NDUFB7: variants seen among roughly 807,000 people sequenced by gnomAD.
NDUFB7 encodes the protein NADH dehydrogenase [ubiquinone] 1 beta subcomplex subunit 7.
NDUFB7 carries 18 observed loss-of-function variants against 14.7 expected under a neutral mutation model. The observed-to-expected ratio is 1.22, with a 90% CI of 0.85 to 1.81. NDUFB7 has a LOEUF of 1.81. NDUFB7 is among the 40% of genes most tolerant of loss of function. NDUFB7 has a pLI of 0.00. For synonymous variants in NDUFB7, 86 were observed against 76.1 expected (o/e 1.13, Z -0.68); for missense variants, 219 against 195.0 (o/e 1.12, Z -0.73).
chr19:14,566,716 A>G (rs1599513071), intron 2 of NDUFB7, 49 bp downstream of exon 2: 5 of 1,164,518 alleles, frequency 4.3e-6, no homozygotes, highest in Non-Finnish European at 5.5e-6. Context: ...GGCTGGGGGT[A>G]TGGGGTGTTG....
At position 14,567,045 on chromosome 19, in the gene NDUFB7, C is replaced by A; in HGVS notation, c.113-112G>T. On this transcript the variant is annotated intron_variant, in intron 1 of 2. Coordinates refer to ENST00000215565, the MANE Select transcript of NDUFB7 (RefSeq NM_004146.6). The surrounding 1 kb of genome is among the most constrained non-coding windows in gnomAD (Gnocchi z 5.1). ...AGGAAGGCACGGCTTGGGGTGTCCC[C>A]CATTCACATCCAGATGGCAGTGGAT... 9.3e-7 allele frequency: 1 copy of A among 1,070,366 alleles called. No individual in the cohort carries two copies. The highest frequency in any genetic ancestry group is 1.3e-6 in the Non-Finnish European group (1 of 753,200). 66.3% of individuals were successfully genotyped at this position (1,070,366 alleles called of 1,614,324 possible). A position where few individuals can be genotyped will look rare whatever the true frequency, so the allele number is the denominator to read the frequency against.
chr19:14,570,803 C>G (rs1461251028), intron 1 of NDUFB7, among the ~76,000 whole-genome samples: 1 of 152,158 alleles, frequency 6.6e-6, no homozygotes, highest in East Asian at 1.9e-4. Flanking sequence ...GGGACGTGGC[C>G]CAGAGCTGGT....
chr19:14,567,067 G>T lies in NDUFB7; in HGVS notation c.113-134C>A. The T allele has an allele frequency of 1.1e-6, 1 of 874,814 alleles. No homozygotes were observed. The highest frequency in any genetic ancestry group is 1.7e-6 in the Non-Finnish European group (1 of 581,218). The allele number at this position is 874,814 out of a possible 1,614,324, so 54.2% of individuals were successfully genotyped here. On this transcript the variant is annotated intron_variant, in intron 1 of 2. Transcript: ENST00000215565. The surrounding 1 kb of genome is among the most constrained non-coding windows in gnomAD (Gnocchi z 5.1). ...CCCCCATTCACATCCAGATGGCAGT[G>T]GATGGCAGATGCCTTTGACGGATGC...
chr19:14,566,655 G>A (rs2074089065), intron 2 of NDUFB7, 110 bp downstream of exon 2: 1 of 971,788 alleles, frequency 1.0e-6, no homozygotes, highest in Non-Finnish European at 1.5e-6. Flanking sequence ...TGGGAGGGGG[G>A]CTTGGGCGGG....
At position 14,567,593 on chromosome 19, in the gene NDUFB7, T is replaced by C. The variant is rs2074100115; in HGVS notation, c.113-660A>G. Among the ~76,000 whole-genome samples the C allele has an allele frequency of 6.6e-6, 1 of 152,002 alleles. No homozygotes were observed. The highest frequency in any genetic ancestry group is 2.4e-5 in the African/African-American group (1 of 41,370). On this transcript the variant is annotated intron_variant, in intron 1 of 2. Transcript: ENST00000215565. This position sits in a 1 kb window ranked among gnomAD's most constrained non-coding sequence, Gnocchi z 5.1. The stretch of plus-strand genomic sequence containing the variant: ...AAATCAACCTTCAGGAGGGGGCCGA[T>C]GGGAGCATGAGGAATCCTGGACACT...
intron 1 of NDUFB7, among the ~76,000 whole-genome samples, chr19:14,569,612 T>C (rs1174198114): frequency 6.6e-6 from 1 of 152,162 alleles, no homozygotes; most frequent in East Asian, 1.9e-4. Context: ...AAGCAAGGTA[T>C]GTGAGGCAGT....
Position 14,566,695 on chromosome 19 carries a change from G to C in NDUFB7, c.281+70C>G, listed in dbSNP as rs1387512276. 3 of 1,413,290 alleles carry C rather than the reference G, an allele frequency of 2.1e-6. No individual in the cohort carries two copies. The African/African-American group carries it at 4.3e-5, about 20-fold the overall frequency. The allele number at this position is 1,413,290 out of a possible 1,614,324, so 87.5% of individuals were successfully genotyped here. On this transcript the variant is annotated intron_variant, in intron 2 of 2. Coordinates refer to ENST00000215565, the MANE Select transcript of NDUFB7 (RefSeq NM_004146.6). ...GCATGTGGGGGGCTTGGGTGGGCCA[G>C]GGGTGTGGAAGGCTGGGGGTATGGG... is the stretch of plus-strand genomic sequence containing the variant.
chr19:14,571,229 C>T (rs2074123309), intron 1 of NDUFB7, among the ~76,000 whole-genome samples: 1 of 152,182 alleles, frequency 6.6e-6, no homozygotes, highest in Non-Finnish European at 1.5e-5. Context: ...GCATACCCCA[C>T]AATTGCAGTG....
Position 14,570,396 on chromosome 19 carries a change from T to C in NDUFB7, c.112+1493A>G, listed in dbSNP as rs1232870308. Among the ~76,000 whole-genome samples the C allele has an allele frequency of 2.6e-5, 4 of 151,906 alleles. No individual in the cohort carries two copies. The East Asian group carries it at 7.7e-4, about 29-fold the overall frequency. On this transcript the variant is annotated intron_variant, in intron 1 of 2. Transcript: ENST00000215565. ...TTTGTATTTTTAGTAGAGACAGGGT[T>C]TCACCACATTGGCCAGGATGGTCTC...
intron 1 of NDUFB7, among the ~76,000 whole-genome samples, chr19:14,571,632 C>T (rs2074125529): frequency 6.6e-6 from 1 of 151,780 alleles, no homozygotes; most frequent in African/African-American, 2.4e-5. Flanking sequence ...CCCAGCTCTG[C>T]GCGTCGCATT....
rs746010669 is a variant in NDUFB7 at position 14,566,179 on chromosome 19, G to A, written c.368C>T (p.Ala123Val). ...CACTTCCCCGGGTCCCTGGCCTTTGGCCAACTCTGCCGCCTTCTTCTCCCG... is the reference window on the plus strand; with the variant it reads ...CACTTCCCCGGGTCCCTGGCCTTTGACCAACTCTGCCGCCTTCTTCTCCCG... ...KRREKKAAEL[A>V]KGQGPGEVDP... Residue 123 changes from alanine to valine, a missense_variant, in exon 3 of 3, where the codon GCC becomes GTC. Coordinates refer to ENST00000215565, the MANE Select transcript of NDUFB7 (RefSeq NM_004146.6). 2 of 1,613,552 alleles carry A rather than the reference G, an allele frequency of 1.2e-6. No homozygotes were observed. The highest frequency in any genetic ancestry group is 1.7e-6 in the Non-Finnish European group (2 of 1,179,838).
chr19:14,566,406 C>A (rs1335559006), intron 2 of NDUFB7, 141 bp from the exon 3 acceptor site: 1 of 1,398,694 alleles, frequency 7.1e-7, no homozygotes, highest in Non-Finnish European at 9.7e-7. Flanking sequence ...TGGCTTGGGT[C>A]TGGGGTCTGC....
intron 1 of NDUFB7, among the ~76,000 whole-genome samples, chr19:14,570,430 G>C (rs2074118165): frequency 6.6e-6 from 1 of 151,748 alleles, no homozygotes; most frequent in South Asian, 2.1e-4. Context: ...TCAATCCCCT[G>C]ACCTCGTGAT....
chr19:14,571,969 C>T lies in NDUFB7; in HGVS notation c.32G>A (p.Gly11Asp). Residue 11 changes from glycine (G) to aspartate (D), a missense_variant, in exon 1 of 3, where the codon GGC becomes GAC. Transcript: ENST00000215565. MGAHLVRRYL[G>D]DASVEPDPLQ... ...GGGGTCGGGCTCCACCGAGGCATCG[C>T]CCAGGTAGCGCCGGACCAGGTGGGC... 1.2e-6 allele frequency: 2 copies of T among 1,609,770 alleles called. No homozygotes were observed. The highest frequency in any genetic ancestry group is 2.2e-5 in the East Asian group (1 of 44,732).
chr19:14,566,994 C>T, intron 1 of NDUFB7, 61 bp from the exon 2 acceptor site: 1 of 1,492,476 alleles, frequency 6.7e-7, no homozygotes, highest in South Asian at 1.3e-5. Flanking sequence ...TCCGGGGATC[C>T]CCAGGGGACC....
At chr19:14,566,990 G>T in intron 1 of NDUFB7, 57 bp from the exon 2 acceptor site, 2 of 1,504,268 alleles carry the variant, frequency 1.3e-6, no homozygotes, top group Non-Finnish European at 1.8e-6. Flanking sequence ...CAATTCCGGG[G>T]ATCCCCAGGG....
intron 1 of NDUFB7, among the ~76,000 whole-genome samples, chr19:14,570,616 C>A (rs55985800): frequency 0.014 from 2,191 of 152,298 alleles, 21 homozygotes; most frequent in Middle Eastern, 0.031. Flanking sequence ...GGATTACAGG[C>A]ATGAGCCACC....
chr19:14,567,396 C>CG lies in NDUFB7; in HGVS notation c.113-464dup, dbSNP rs2074097926. ...ACCCAAGGCCCAGCTCTGCACTGGC[C>CG]GGCGGCGTGGCCTCTCTCTCAGCCT... On this transcript the variant is annotated intron_variant, in intron 1 of 2. Transcript: ENST00000215565. This position sits in a 1 kb window ranked among gnomAD's most constrained non-coding sequence, Gnocchi z 5.1. Among the ~76,000 whole-genome samples, 2 of 110,604 alleles carry CG rather than the reference C, an allele frequency of 1.8e-5. No individual in the cohort carries two copies. Among genetic ancestry groups the CG allele is most frequent in the South Asian group, 5.6e-4 (2 of 3,558 alleles). 72.6% of individuals were successfully genotyped at this position (110,604 alleles called of 152,430 possible).
intron 2 of NDUFB7, 126 bp downstream of exon 2, chr19:14,566,639 C>CG: frequency 3.7e-6 from 2 of 539,406 alleles, no homozygotes; most frequent in Admixed American, 4.5e-5. Flanking sequence ...TGGGTGTTGG[C>CG]GGGGGTGGGA....
Sources: allele counts gnomAD v4.1 joint callset (sites outside exome capture counted in the v4.1 genomes callset), GRCh38; gene constraint gnomAD v4.1.1; non-coding constraint Gnocchi (gnomAD v3.1); transcripts MANE v1.5; gene names NCBI Gene and HGNC (gene_info 2026-07-23, HGNC 2026-07-21).